ESRRG: variants seen among roughly 807,000 people sequenced by gnomAD.
ESRRG encodes the protein estrogen related receptor gamma.
ESRRG carries 13 observed loss-of-function variants against 44.0 expected under a neutral mutation model. The observed-to-expected ratio is 0.30, with a 90% CI of 0.19 to 0.47. The LOEUF is 0.47. ESRRG is among the 20% of genes least tolerant of loss of function. ESRRG has a pLI of 1.00. For missense variants in ESRRG, 395 were observed against 580.6 expected, an observed-to-expected ratio of 0.68 and a Z score of 3.29; for synonymous variants, 215 against 214.6, an observed-to-expected ratio of 1.00 and a Z score of -0.02.
Position 217,104,532 on chromosome 1 carries a change from T to C in ESRRG, c.-230+33135A>G, listed in dbSNP as rs80102472. Among the ~76,000 whole-genome samples, 112 of 152,278 alleles carry C rather than the reference T, an allele frequency of 7.4e-4. 1 individual carries two copies. The East Asian group carries it at 0.021, about 29-fold the overall frequency. ...AGTGAAGGTAATTCCTGCCTCAGTA[T>C]TGAGGTGGGCAATACAAATGAAATC... On this transcript the variant is annotated intron_variant, in intron 1 of 8. Coordinates refer to the ESRRG transcript ENST00000366940.
intron 1 of ESRRG, among the ~76,000 whole-genome samples, chr1:217,120,688 T>C (rs1049418814): frequency 6.6e-6 from 1 of 152,218 alleles, no homozygotes; most frequent in Non-Finnish European, 1.5e-5. Context: ...TCTTAATATA[T>C]GATTTTTGAA....
At chr1:217,085,398 G>A (rs1458905742) in intron 1 of ESRRG, among the ~76,000 whole-genome samples, 1 of 150,306 alleles carries the variant, frequency 6.7e-6, no homozygotes, top group Non-Finnish European at 1.5e-5. Context: ...CAATACAAAC[G>A]TCGTATTATA....
chr1:216,708,907 C>A (rs1264363279), intron 1 of ESRRG, among the ~76,000 whole-genome samples: 2 of 152,120 alleles, frequency 1.3e-5, no homozygotes, highest in African/African-American at 4.8e-5. Context: ...GAGTTCACAT[C>A]CTTTGCAGGA....
chr1:216,733,709 G>C (rs1241575761), intron 2 of ESRRG, among the ~76,000 whole-genome samples: 1 of 152,062 alleles, frequency 6.6e-6, no homozygotes, highest in Non-Finnish European at 1.5e-5. Context: ...AACACTCTCA[G>C]TCTGGGCGCA....
intron 1 of ESRRG, among the ~76,000 whole-genome samples, chr1:217,088,781 C>T (rs2092249897): frequency 6.6e-6 from 1 of 152,000 alleles, no homozygotes; most frequent in Non-Finnish European, 1.5e-5. Context: ...AGGAGGGGAG[C>T]TTTGCCCTCT....
chr1:216,719,540 GAAC>G (rs534359485), intron 1 of ESRRG, among the ~76,000 whole-genome samples: 52 of 151,762 alleles, frequency 3.4e-4, no homozygotes, highest in Non-Finnish European at 4.6e-4. Context: ...ACTTTAAAAA[GAAC>G]AACAACAAAA....
chr1:216,622,873 T>A (rs550861573), intron 3 of ESRRG, among the ~76,000 whole-genome samples: 4 of 152,016 alleles, frequency 2.6e-5, no homozygotes, highest in East Asian at 1.9e-4. Context: ...TATTTTTAGA[T>A]GGGATTAGCA....
upstream of ESRRG, among the ~76,000 whole-genome samples, chr1:216,724,844 T>A (rs2087158915): frequency 6.6e-6 from 1 of 152,134 alleles, no homozygotes; most frequent in African/African-American, 2.4e-5. Context: ...ATACCAGCTA[T>A]TTATGGCAAA....
intron 1 of ESRRG, among the ~76,000 whole-genome samples, chr1:217,035,292 C>T (rs1464108139): frequency 7.6e-6 from 1 of 132,260 alleles, no homozygotes; most frequent in Non-Finnish European, 1.5e-5. Flanking sequence ...TCGAGACCAG[C>T]CTGGGCAGCC....
intron 1 of ESRRG, among the ~76,000 whole-genome samples, chr1:216,703,526 G>C (rs1461978437): frequency 6.6e-6 from 1 of 151,970 alleles, no homozygotes; most frequent in Admixed American, 6.6e-5. Context: ...TCAGGAAAAG[G>C]TAATTTAAGA....
At chr1:216,735,987 A>AAAAAAAAATATATAT (rs1453476198) in intron 2 of ESRRG, among the ~76,000 whole-genome samples, 1 of 137,092 alleles carries the variant, frequency 7.3e-6, no homozygotes, top group African/African-American at 2.7e-5. Flanking sequence ...CTCAAAAAAA[A>AAAAAAAAATATATAT]ATATATATAT....
intron 1 of ESRRG, among the ~76,000 whole-genome samples, chr1:216,942,926 T>C (rs868387117): frequency 3.3e-5 from 5 of 152,344 alleles, no homozygotes; most frequent in Middle Eastern, 6.8e-3. Flanking sequence ...GTCTCAGTTA[T>C]CAATTTTTGT....
In ESRRG at chr1:216,581,635, A is replaced by AAG. The variant is rs112365344; in HGVS notation, c.590-13539_590-13538dup. On this transcript the variant is annotated intron_variant, in intron 3 of 6. Coordinates refer to ENST00000408911, the MANE Select transcript of ESRRG (RefSeq NM_001438.4). ...ATGAAAGGGACTATGTGTTTAAATA[A>AAG]AGAGAGAGAGAGAGAGAGAAAACAA... Among the ~76,000 whole-genome samples, 484 of 148,802 alleles carry AAG rather than the reference A, an allele frequency of 3.3e-3. 1 individual carries two copies. The highest frequency in any genetic ancestry group is 8.7e-3 in the African/African-American group (356 of 40,866).
At chr1:216,852,455 A>G (rs1451096046) in intron 2 of ESRRG, among the ~76,000 whole-genome samples, 1 of 152,210 alleles carries the variant, frequency 6.6e-6, no homozygotes, top group Non-Finnish European at 1.5e-5. Context: ...AAAGTAGCTC[A>G]CTTATCTGTT....
At chr1:216,627,566 C>A (rs1392642728) in intron 3 of ESRRG, among the ~76,000 whole-genome samples, 2 of 152,154 alleles carry the variant, frequency 1.3e-5, no homozygotes, top group Non-Finnish European at 1.5e-5. Flanking sequence ...CAAACTTTAA[C>A]CTTTGATAGA....
At chr1:216,631,638 G>C (rs932561236) in intron 3 of ESRRG, among the ~76,000 whole-genome samples, 1 of 151,836 alleles carries the variant, frequency 6.6e-6, no homozygotes, top group African/African-American at 2.4e-5. Context: ...CCTCAAAAGG[G>C]ATATATGTAC....
At chr1:216,581,383 C>T (rs1371690464) in intron 3 of ESRRG, among the ~76,000 whole-genome samples, 2 of 152,098 alleles carry the variant, frequency 1.3e-5, no homozygotes, top group East Asian at 3.9e-4. Context: ...GGGGTACATA[C>T]ATAGAGATAA....
chr1:217,071,076 C>T (rs2090495679), intron 1 of ESRRG, among the ~76,000 whole-genome samples: 1 of 152,106 alleles, frequency 6.6e-6, no homozygotes, highest in South Asian at 2.1e-4. Flanking sequence ...TCCACCACTG[C>T]CATTTCTTCT....
intron 1 of ESRRG, among the ~76,000 whole-genome samples, chr1:217,013,566 A>G (rs753062850): frequency 6.6e-6 from 1 of 152,208 alleles, no homozygotes; most frequent in Non-Finnish European, 1.5e-5. Context: ...CTGCCAGATA[A>G]TTTAGGGCTC....
Sources: gnomAD v4.1 joint callset for allele counts (sites outside exome capture counted in the v4.1 genomes callset) on GRCh38, gnomAD v4.1.1 for gene constraint, MANE v1.5 for transcripts, NCBI Gene and HGNC (gene_info 2026-07-23, HGNC 2026-07-21) for gene names.